Variants in BRAF observed in about 807,000 individuals in gnomAD.
The protein encoded by BRAF is B-Raf proto-oncogene, serine/threonine kinase.
BRAF carries 16 observed loss-of-function variants against 104.6 expected under a neutral mutation model. The ratio of observed to expected loss-of-function variants is 0.15; its 90% confidence interval spans 0.10 to 0.23. The LOEUF (loss-of-function observed/expected upper bound fraction) is 0.23. Among genes scored for constraint, BRAF ranks in the 10% least tolerant of loss-of-function variants. BRAF has a pLI of 1.00. For synonymous variants in BRAF, 310 were observed against 341.6 expected, an observed-to-expected ratio of 0.91 and a Z score of 1.02; for missense variants, 541 against 937.3, an observed-to-expected ratio of 0.58 and a Z score of 5.52.
At chr7:140,791,097 T>C (rs1390077962) in intron 8 of BRAF, among the ~76,000 whole-genome samples, 3 of 152,004 alleles carry the variant, frequency 2.0e-5, no homozygotes, top group Non-Finnish European at 4.4e-5. Flanking sequence ...CAAGACTCCA[T>C]CTCAAAAAAC....
rs1231575366 is a variant in BRAF, at chr7:140,725,677, G to A, written c.*817C>T. On this transcript the variant is annotated 3_prime_UTR_variant, in exon 20 of 20. Transcript: ENST00000644969. ...GAGGAAGATATAAACTGTATTTCCTGAGAATTTGCTACATTGTGGAGGAAA... is the reference window on the plus strand; with the variant it reads ...GAGGAAGATATAAACTGTATTTCCTAAGAATTTGCTACATTGTGGAGGAAA... 6 of 1,058,056 alleles carry A rather than the reference G, an allele frequency of 5.7e-6. No homozygotes were observed. The highest frequency in any genetic ancestry group is 6.9e-6 in the Non-Finnish European group (6 of 875,208). The allele number at this position is 1,058,056 out of a possible 1,614,324, so 65.5% of individuals were successfully genotyped here. A position where few individuals can be genotyped will look rare whatever the true frequency, so the allele number is the denominator to read the frequency against.
chr7:140,737,832 G>T (rs768627356), intron 18 of BRAF, among the ~76,000 whole-genome samples: 1 of 152,166 alleles, frequency 6.6e-6, no homozygotes, highest in Admixed American at 6.5e-5. Flanking sequence ...ACTTTAAAGG[G>T]ATAGCCTCCA....
rs541003410 is a variant in BRAF at position 140,720,026 on chromosome 7, G to A, written c.*6468C>T. 5.5e-5 allele frequency: 58 copies of A among 1,061,666 alleles called. No homozygotes were observed. The highest frequency in any genetic ancestry group is 4.2e-4 in the Middle Eastern group (1 of 2,372). The allele number at this position is 1,061,666 out of a possible 1,614,324, so 65.8% of individuals were successfully genotyped here. ...TACAGGAGTCATGTCCTCAAACCAA[G>A]GAATACATGAAAAGGGGGGATTTCC... On this transcript the variant is annotated 3_prime_UTR_variant, in exon 20 of 20. Coordinates refer to ENST00000644969, the MANE Select transcript of BRAF (RefSeq NM_001374258.1).
intron 1 of BRAF, among the ~76,000 whole-genome samples, chr7:140,896,344 C>G (rs1319602492): frequency 6.6e-6 from 1 of 152,000 alleles, no homozygotes; most frequent in African/African-American, 2.4e-5. Context: ...ATCTCATTCA[C>G]AACAGCACAA....
At chr7:140,718,807 A>G (rs1443579452), downstream of BRAF, among the ~76,000 whole-genome samples, 1 of 152,254 alleles carries the variant, frequency 6.6e-6, no homozygotes, top group Non-Finnish European at 1.5e-5. Context: ...GGGAAGGGTC[A>G]TGAAATCAAA....
chr7:140,904,507 T>C (rs1816072025), intron 1 of BRAF, among the ~76,000 whole-genome samples: 1 of 152,254 alleles, frequency 6.6e-6, no homozygotes, highest in African/African-American at 2.4e-5. Flanking sequence ...TCTCTCACTT[T>C]CAATGGTCTA....
In BRAF at chr7:140,749,449, C is replaced by T. The variant is rs766291057; in HGVS notation, c.1981-31G>A. The stretch of plus-strand genomic sequence containing the variant: ...AGAACATACAAAGAAAAATATTCTT[C>T]ACTTCAATTGAATAAAGACTGAAAA... On this transcript the variant is annotated intron_variant, in intron 16 of 19. Coordinates refer to ENST00000644969, the MANE Select transcript of BRAF (RefSeq NM_001374258.1). The T allele has an allele frequency of 3.7e-6, 6 of 1,609,184 alleles. No homozygotes were observed. The South Asian group carries it at 6.6e-5, about 18-fold the overall frequency.
intron 2 of BRAF, among the ~76,000 whole-genome samples, chr7:140,847,508 G>T (rs923137333): frequency 6.6e-6 from 1 of 151,882 alleles, no homozygotes; most frequent in Non-Finnish European, 1.5e-5. Context: ...GCTTGAACCT[G>T]GGAGGTGGAG....
At chr7:140,734,442 G>C in intron 19 of BRAF, 1 of 1,537,030 alleles carries the variant, frequency 6.5e-7, no homozygotes, top group Non-Finnish European at 8.7e-7. Flanking sequence ...ATTTTAGTTT[G>C]GGGAAAAATT....
intron 14 of BRAF, among the ~76,000 whole-genome samples, chr7:140,758,580 G>C (rs1176585328): frequency 6.6e-6 from 1 of 151,868 alleles, no homozygotes; most frequent in South Asian, 2.1e-4. Flanking sequence ...TCAGCATCTT[G>C]TGTAGCTGGG....
chr7:140,834,389 T>C (rs1807095597), intron 3 of BRAF: 2 of 685,058 alleles, frequency 2.9e-6, no homozygotes, highest in Non-Finnish European at 4.8e-6. Context: ...GGCAGACAGG[T>C]TTAAATGTCA....
rs1182780647 is a variant in BRAF at position 140,924,605 on chromosome 7, G to A, written c.99C>T (p.Ala33=). ...MEPEAGAGAG[A]AASSAADPAI... ...CAGGGTCCGCAGCCGAAGAGGCCGC[G>A]GCGCCGGCGCCGGCGCCGGCCTCGG... The change falls in exon 1 of 20, where the codon GCC becomes GCT. Residue 33 remains alanine (A), a synonymous_variant. Transcript: ENST00000644969. This position sits in a 1 kb window ranked among gnomAD's most constrained non-coding sequence, Gnocchi z 4.2. 2 of 1,527,050 alleles carry A rather than the reference G, an allele frequency of 1.3e-6. No individual in the cohort carries two copies. The allele number at this position is 1,527,050 out of a possible 1,614,324, so 94.6% of individuals were successfully genotyped here. A position where few individuals can be genotyped will look rare whatever the true frequency, so the allele number is the denominator to read the frequency against.
intron 1 of BRAF, among the ~76,000 whole-genome samples, chr7:140,885,918 G>A (rs1275218314): frequency 5.3e-5 from 8 of 152,174 alleles, no homozygotes; most frequent in Non-Finnish European, 1.2e-4. Context: ...CAAGGTACAG[G>A]AAATGTTCAT....
chr7:140,815,275 C>G (rs1052122106), intron 3 of BRAF, among the ~76,000 whole-genome samples: 1 of 151,630 alleles, frequency 6.6e-6, no homozygotes, highest in African/African-American at 2.4e-5. Flanking sequence ...GTAGCTGGGA[C>G]TACAGGTGTC....
intron 5 of BRAF, among the ~76,000 whole-genome samples, chr7:140,801,986 C>T (rs1803163256): frequency 6.6e-6 from 1 of 151,810 alleles, no homozygotes; most frequent in African/African-American, 2.4e-5. Context: ...ACAAAGGCAC[C>T]CAATAGAAGA....
At chr7:140,761,015 T>C (rs1403336108) in intron 14 of BRAF, among the ~76,000 whole-genome samples, 3 of 152,142 alleles carry the variant, frequency 2.0e-5, no homozygotes, top group South Asian at 4.1e-4. Flanking sequence ...CAGGCCAATG[T>C]TCAGATTCAC....
At position 140,845,131 on chromosome 7, in the gene BRAF, C is replaced by T. The variant is rs565473991; in HGVS notation, c.240+4980G>A. 1.4e-4 allele frequency among the ~76,000 whole-genome samples: 21 copies of T among 152,266 alleles called. No individual in the cohort carries two copies. In the South Asian group the frequency reaches 1.5e-3, roughly 11 times the overall value. On this transcript the variant is annotated intron_variant, in intron 2 of 19. Transcript: ENST00000644969. ...CTTGCATATATAGTCAAATGGTTTT[C>T]GACAAGGGTGCCAAGGCCATTCAGT...
At chr7:140,793,182 G>C (rs1802154053) in intron 8 of BRAF, among the ~76,000 whole-genome samples, 2 of 152,148 alleles carry the variant, frequency 1.3e-5, no homozygotes, top group African/African-American at 4.8e-5. Flanking sequence ...GGGAACAGTG[G>C]TAACAATCAG....
At chr7:140,768,102 G>A (rs2129012444) in intron 14 of BRAF, among the ~76,000 whole-genome samples, 1 of 152,184 alleles carries the variant, frequency 6.6e-6, no homozygotes, top group African/African-American at 2.4e-5. Context: ...AAACCATTGT[G>A]TATAGTATTA....
Sources: gnomAD v4.1 joint callset for allele counts (sites outside exome capture counted in the v4.1 genomes callset) on GRCh38, gnomAD v4.1.1 for gene constraint, Gnocchi (gnomAD v3.1) non-coding constraint, MANE v1.5 for transcripts, NCBI Gene and HGNC (gene_info 2026-07-23, HGNC 2026-07-21) for gene names.